Variants in ARHGAP10 observed in about 807,000 individuals in gnomAD.
ARHGAP10 encodes the protein Rho GTPase activating protein 10.
A neutral mutation model predicts 108.6 loss-of-function variants in ARHGAP10; 87 were observed. The ratio of observed to expected loss-of-function variants is 0.80; its 90% CI spans 0.67 to 0.96. The LOEUF (loss-of-function observed/expected upper bound fraction) is 0.96, where lower values mean the gene tolerates loss of function less well. Among genes scored for constraint, ARHGAP10 ranks in the 40% least tolerant of loss-of-function variants. The pLI is 0.00. For synonymous variants in ARHGAP10, 347 were observed against 341.1 expected (o/e 1.02, Z -0.19); for missense variants, 939 against 954.5 (o/e 0.98, Z 0.21).
chr4:147,810,280 T>C lies in ARHGAP10; in HGVS notation c.155-12447T>C, dbSNP rs191651180. ...TTTAAAACTTGCATTCTTTTATTAC[T>C]AGTGAAGTTGGAAACATTTTTTGGT... On this transcript the variant is annotated intron_variant, in intron 1 of 22. Transcript: ENST00000336498. 1.0e-4 allele frequency among the ~76,000 whole-genome samples: 16 copies of C among 152,382 alleles called. 1 individual carries two copies. The highest frequency in any genetic ancestry group is 3.6e-4 in the African/African-American group (15 of 41,600).
At chr4:147,981,692 T>C (rs1193834551) in intron 18 of ARHGAP10, among the ~76,000 whole-genome samples, 2 of 152,268 alleles carry the variant, frequency 1.3e-5, no homozygotes, top group African/African-American at 4.8e-5. Context: ...TGTCAAAGTA[T>C]TCTCTTAGGT....
At position 147,987,825 on chromosome 4, in the gene ARHGAP10, G is replaced by T. The variant is rs193010096; in HGVS notation, c.1716+20986G>T. 4.7e-4 allele frequency among the ~76,000 whole-genome samples: 71 copies of T among 152,332 alleles called. No homozygotes were observed. In the East Asian group the frequency reaches 0.014, roughly 29 times the overall value. On this transcript the variant is annotated intron_variant, in intron 18 of 22. Transcript: ENST00000336498. Reference sequence around the variant, plus strand: ...CAGGAGGGAGAAGAGGAGTGGGAGAGAAGTGGAGACTTGCTGCCTTGACTC... The same window carrying T: ...CAGGAGGGAGAAGAGGAGTGGGAGATAAGTGGAGACTTGCTGCCTTGACTC...
intron 18 of ARHGAP10, among the ~76,000 whole-genome samples, chr4:147,981,839 G>C (rs1425222671): frequency 6.6e-6 from 1 of 151,982 alleles, no homozygotes; most frequent in Admixed American, 6.5e-5. Context: ...TACTGTTGTT[G>C]GTTTAAAGTC....
At chr4:147,828,880 G>GTTTTTTT (rs11381308) in intron 3 of ARHGAP10, among the ~76,000 whole-genome samples, 1 of 145,180 alleles carries the variant, frequency 6.9e-6, no homozygotes. Flanking sequence ...AGTCAAGATA[G>GTTTTTTT]TTTTTTTTTT....
chr4:147,844,765 C>T (rs1464089345), intron 3 of ARHGAP10, among the ~76,000 whole-genome samples: 1 of 152,164 alleles, frequency 6.6e-6, no homozygotes, highest in Non-Finnish European at 1.5e-5. Flanking sequence ...TGTTGGTTGC[C>T]TTCATTTGAA....
At chr4:147,919,098 A>G (rs1737115866) in intron 13 of ARHGAP10, among the ~76,000 whole-genome samples, 1 of 152,228 alleles carries the variant, frequency 6.6e-6, no homozygotes, top group Non-Finnish European at 1.5e-5. Flanking sequence ...TGACGTTTTT[A>G]TTAAAAACTT....
intron 6 of ARHGAP10, 161 bp downstream of exon 6, chr4:147,865,117 G>C (rs1180394263): frequency 3.3e-6 from 2 of 615,152 alleles, no homozygotes; most frequent in Non-Finnish European, 2.8e-6. Flanking sequence ...TGAAGTCAAG[G>C]AATTGCCTCT....
Position 148,039,368 on chromosome 4 carries a change from A to ATTT in ARHGAP10, c.1868-7497_1868-7495dup, listed in dbSNP as rs34876546. Among the ~76,000 whole-genome samples the ATTT allele has an allele frequency of 1.7e-3, 123 of 73,086 alleles. 11 individuals are homozygous for ATTT. Among genetic ancestry groups the ATTT allele is most frequent in the African/African-American group, 3.2e-3 (57 of 17,674 alleles). The allele number at this position is 73,086 out of a possible 152,430, so 47.9% of individuals were successfully genotyped here. The stretch of plus-strand genomic sequence containing the variant: ...TTAATACTTTAAGAATACTACTTCA[A>ATTT]TTTTTTTTTTTTTTTTTTTTTTTTT... On this transcript the variant is annotated intron_variant, in intron 19 of 22. Transcript: ENST00000336498.
intron 10 of ARHGAP10, among the ~76,000 whole-genome samples, chr4:147,902,265 A>G (rs1043474945): frequency 6.6e-6 from 1 of 152,104 alleles, no homozygotes; most frequent in Non-Finnish European, 1.5e-5. Flanking sequence ...TCTTCAGTCC[A>G]TTCTCCACCC....
At chr4:147,939,087 C>T (rs1415458045) in intron 13 of ARHGAP10, among the ~76,000 whole-genome samples, 1 of 152,188 alleles carries the variant, frequency 6.6e-6, no homozygotes, top group Non-Finnish European at 1.5e-5. Context: ...CTTAATGCTA[C>T]TCAGTTTGCT....
intron 22 of ARHGAP10, among the ~76,000 whole-genome samples, chr4:148,068,314 G>T (rs1729994056): frequency 6.6e-6 from 1 of 152,160 alleles, no homozygotes; most frequent in Non-Finnish European, 1.5e-5. Context: ...AGATGTGGGG[G>T]AGCAGGTGTG....
intron 1 of ARHGAP10, among the ~76,000 whole-genome samples, chr4:147,783,072 A>G (rs1000302505): frequency 7.0e-6 from 1 of 141,976 alleles, no homozygotes; most frequent in Non-Finnish European, 1.5e-5. Context: ...TATATTATAT[A>G]AATTATGTGT....
At chr4:147,741,140 T>C (rs370246852) in intron 1 of ARHGAP10, among the ~76,000 whole-genome samples, 21 of 152,224 alleles carry the variant, frequency 1.4e-4, no homozygotes, top group African/African-American at 4.3e-4. Context: ...TAATTGATGT[T>C]CTATGATGAT....
chr4:147,856,174 C>T (rs554065989), intron 4 of ARHGAP10, among the ~76,000 whole-genome samples: 3 of 152,268 alleles, frequency 2.0e-5, no homozygotes, highest in Non-Finnish European at 4.4e-5. Flanking sequence ...GGGAGACACC[C>T]ATCTTCTCTG....
intron 1 of ARHGAP10, among the ~76,000 whole-genome samples, chr4:147,759,142 G>A (rs1729495268): frequency 6.6e-6 from 1 of 152,148 alleles, no homozygotes; most frequent in African/African-American, 2.4e-5. Context: ...TTACTTTGCT[G>A]ATAGTAATAA....
intron 1 of ARHGAP10, among the ~76,000 whole-genome samples, chr4:147,762,054 C>G (rs975907779): frequency 2.0e-5 from 3 of 152,212 alleles, no homozygotes; most frequent in African/African-American, 7.2e-5. Context: ...GTCACCCAGG[C>G]TGGAGTGCAG....
intron 1 of ARHGAP10, among the ~76,000 whole-genome samples, chr4:147,798,769 CTCTCTCTCTCTCTA>C (rs1253852821): frequency 1.6e-3 from 9 of 5,592 alleles, no homozygotes; most frequent in Admixed American, 9.2e-3. Flanking sequence ...CTCTCTCTCT[CTCTCTCTCTCTCTA>C]TATATATATA....
chr4:147,829,305 A>AC (rs563693321), intron 3 of ARHGAP10, among the ~76,000 whole-genome samples: 99 of 149,114 alleles, frequency 6.6e-4, no homozygotes, highest in African/African-American at 2.2e-3. Context: ...TCCTGCCTCG[A>AC]CCCCCCCATC....
intron 10 of ARHGAP10, among the ~76,000 whole-genome samples, chr4:147,905,145 T>C (rs1736429570): frequency 6.6e-6 from 1 of 152,234 alleles, no homozygotes; most frequent in African/African-American, 2.4e-5. Flanking sequence ...CTTTGTCAGA[T>C]GAGTAGGTTG....
Sources: allele counts gnomAD v4.1 joint callset (sites outside exome capture counted in the v4.1 genomes callset), GRCh38; gene constraint gnomAD v4.1.1; transcripts MANE v1.5; gene names NCBI Gene and HGNC (gene_info 2026-07-23, HGNC 2026-07-21).